MARK1: variants seen among roughly 807,000 people sequenced by gnomAD.
The protein encoded by MARK1 is microtubule affinity regulating kinase 1, also known as serine/threonine-protein kinase MARK1.
A neutral mutation model predicts 96.3 loss-of-function variants in MARK1; 40 were observed. The ratio of observed to expected loss-of-function variants is 0.42; its 90% CI spans 0.32 to 0.54. The LOEUF (loss-of-function observed/expected upper bound fraction) is 0.54. MARK1 is among the 20% of genes least tolerant of loss of function. MARK1 has a pLI of 0.16. For missense variants in MARK1, 719 were observed against 984.6 expected (o/e 0.73, Z 3.61); for synonymous variants, 317 against 341.2 (o/e 0.93, Z 0.78).
At chr1:220,645,765 A>G (rs1313324727) in intron 13 of MARK1, among the ~76,000 whole-genome samples, 2 of 152,216 alleles carry the variant, frequency 1.3e-5, no homozygotes, top group African/African-American at 4.8e-5. Context: ...TGAATCAATA[A>G]ATGTAATCAG....
In MARK1 at chr1:220,616,019, T is replaced by A. The variant is rs28458417; in HGVS notation, c.552+24T>A. ...AGGTAAGCTTCTGAGTGTAATTTTT[T>A]TAAAAAAAAAATCGTTATTATTAAC... On this transcript the variant is annotated intron_variant, in intron 7 of 17. Coordinates refer to ENST00000366917, the MANE Select transcript of MARK1 (RefSeq NM_018650.5). The A allele has an allele frequency of 9.0e-3, 10,305 of 1,150,372 alleles. 48 individuals carry two copies. The highest frequency in any genetic ancestry group is 0.036 in the African/African-American group (2,345 of 64,954). 71.3% of individuals were successfully genotyped at this position (1,150,372 alleles called of 1,614,324 possible).
chr1:220,566,917 C>T (rs955275396), intron 1 of MARK1, among the ~76,000 whole-genome samples: 3 of 152,074 alleles, frequency 2.0e-5, no homozygotes, highest in Non-Finnish European at 4.4e-5. Context: ...TAGAAACTAA[C>T]TACTTAATAG....
chr1:220,604,289 A>T (rs986988735), intron 6 of MARK1, 152 bp downstream of exon 6: 4 of 472,532 alleles, frequency 8.5e-6, no homozygotes, highest in African/African-American at 4.0e-5. Flanking sequence ...CCTAAAAAAT[A>T]AACCTTTCTG....
chr1:220,644,095 G>T (rs1389436545), intron 13 of MARK1, among the ~76,000 whole-genome samples: 1 of 152,068 alleles, frequency 6.6e-6, no homozygotes, highest in African/African-American at 2.4e-5. Flanking sequence ...TAAATGAGCT[G>T]AATACCCCAA....
intron 1 of MARK1, among the ~76,000 whole-genome samples, chr1:220,561,851 A>G (rs1385710402): frequency 6.6e-6 from 1 of 152,164 alleles, no homozygotes; most frequent in African/African-American, 2.4e-5. Context: ...TCAGAGTTTC[A>G]TGGACTTAGA....
rs1668819262 is a variant in MARK1, at chr1:220,650,612, T to C, written c.1471-8T>C. The stretch of plus-strand genomic sequence containing the variant: ...AATTTTTTAATTGCCTTTTTTTTAT[T>C]CTTGAAGAACAATGTGTATTCTGGA... On this transcript the variant is annotated splice_polypyrimidine_tract_variant and splice_region_variant and intron_variant, in intron 13 of 17. Transcript: ENST00000366917. The C allele has an allele frequency of 6.4e-7, 1 of 1,554,420 alleles. No homozygotes were observed. Among genetic ancestry groups the C allele is most frequent in the Non-Finnish European group, 8.8e-7 (1 of 1,132,768 alleles).
chr1:220,553,885 C>T lies in MARK1; in HGVS notation c.51+25012C>T, dbSNP rs571685851. Reference sequence around the variant, plus strand: ...GTTACTTCAAGCACCAGTGAGTCTTCGGGGTTCAAGTGGCTAAGCAGCTTG... The same window carrying T: ...GTTACTTCAAGCACCAGTGAGTCTTTGGGGTTCAAGTGGCTAAGCAGCTTG... On this transcript the variant is annotated intron_variant, in intron 1 of 17. Transcript: ENST00000366917. Among the ~76,000 whole-genome samples the T allele has an allele frequency of 2.6e-5, 4 of 152,312 alleles. No individual in the cohort carries two copies. The South Asian group carries it at 6.2e-4, about 24-fold the overall frequency.
chr1:220,585,393 A>G (rs1341186444), intron 3 of MARK1, among the ~76,000 whole-genome samples: 2 of 152,202 alleles, frequency 1.3e-5, no homozygotes, highest in Non-Finnish European at 2.9e-5. Flanking sequence ...CAATAATATT[A>G]ATATCTGGCT....
In MARK1 at chr1:220,632,253, A is replaced by G. The variant is rs2103007815; in HGVS notation, c.1062A>G (p.Ile354Met). 1.3e-6 allele frequency: 2 copies of G among 1,563,894 alleles called. No homozygotes were observed. The highest frequency in any genetic ancestry group is 1.7e-6 in the Non-Finnish European group (2 of 1,156,294). Residue 354 changes from isoleucine (I) to methionine (M), a missense_variant, in exon 11 of 18, where the codon ATA becomes ATG. By Grantham distance (10) the Ile-to-Met change is conservative. Transcript: ENST00000366917. Reference protein sequence around the residue: ...FARDEINDALINQKYDEVMAT... With the variant: ...FARDEINDALMNQKYDEVMAT... ...GAGATGAAATAAATGATGCCTTAAT[A>G]AATCAGAAGTATGATGAAGTTATGG... is the stretch of plus-strand genomic sequence containing the variant.
rs558218993 is a variant in MARK1, at chr1:220,617,578, A to G, written c.553-732A>G. ...CTTTATTGAGTTGCTTCTGTTTACA[A>G]AAGGGACATGTAAAATATTGTCTTT... On this transcript the variant is annotated intron_variant, in intron 7 of 17. Transcript: ENST00000366917. 3.9e-5 allele frequency among the ~76,000 whole-genome samples: 6 copies of G among 152,354 alleles called. No individual in the cohort carries two copies. The East Asian group carries it at 1.2e-3, about 29-fold the overall frequency.
Position 220,598,328 on chromosome 1 carries a change from C to T in MARK1, c.310-3C>T. Reference sequence around the variant, plus strand: ...AAATATATCTACCTGTTTTCTTTAACAGTTATTTCGAGAAGTACGAATAAT... The same window carrying T: ...AAATATATCTACCTGTTTTCTTTAATAGTTATTTCGAGAAGTACGAATAAT... On this transcript the variant is annotated splice_region_variant and splice_polypyrimidine_tract_variant and intron_variant, in intron 3 of 17. Coordinates refer to ENST00000366917, the MANE Select transcript of MARK1 (RefSeq NM_018650.5). 1 of 628,852 alleles carries T rather than the reference C, an allele frequency of 1.6e-6. No individual in the cohort carries two copies. The highest frequency in any genetic ancestry group is 2.7e-6 in the Non-Finnish European group (1 of 367,560). The allele number at this position is 628,852 out of a possible 1,614,324, so 39.0% of individuals were successfully genotyped here. A position where few individuals can be genotyped will look rare whatever the true frequency, so the allele number is the denominator to read the frequency against.
intron 13 of MARK1, among the ~76,000 whole-genome samples, chr1:220,647,996 A>G (rs1668675167): frequency 6.6e-6 from 1 of 152,120 alleles, no homozygotes; most frequent in Non-Finnish European, 1.5e-5. Flanking sequence ...ACCATGGCAC[A>G]CATTTACCTA....
At chr1:220,609,846 T>A (rs1666326896) in intron 6 of MARK1, among the ~76,000 whole-genome samples, 1 of 152,194 alleles carries the variant, frequency 6.6e-6, no homozygotes, top group Non-Finnish European at 1.5e-5. Context: ...AATTCTGGGT[T>A]GAAAATTCTT....
intron 3 of MARK1, among the ~76,000 whole-genome samples, chr1:220,581,881 T>C (rs1246469961): frequency 6.6e-6 from 1 of 152,218 alleles, no homozygotes; most frequent in Non-Finnish European, 1.5e-5. Flanking sequence ...ACTTTAAAAA[T>C]GAAGCAAATG....
At chr1:220,539,622 G>T (rs79123498) in intron 1 of MARK1, among the ~76,000 whole-genome samples, 2,355 of 152,166 alleles carry the variant, frequency 0.015, 32 homozygotes, top group Middle Eastern at 0.044. Flanking sequence ...TGCATCTATT[G>T]AGATGATCAG....
At chr1:220,555,079 A>G (rs111987205) in intron 1 of MARK1, among the ~76,000 whole-genome samples, 81 of 152,254 alleles carry the variant, frequency 5.3e-4, no homozygotes, top group Middle Eastern at 6.8e-3. Flanking sequence ...TGGGGAAGTA[A>G]CCACAGAATG....
At position 220,650,479 on chromosome 1, in the gene MARK1, G is replaced by C. The variant is rs3753876; in HGVS notation, c.1471-141G>C. 1.8e-3 allele frequency: 1,065 copies of C among 581,568 alleles called. 23 individuals are homozygous for C. The East Asian group carries it at 0.027, about 15-fold the overall frequency. 36.0% of individuals were successfully genotyped at this position (581,568 alleles called of 1,614,324 possible). ...ACTTCTGAAATCTAAATTAGAGAGAGGCAGGGGATAATCTTGTTAATATAA... is the reference window on the plus strand; with the variant it reads ...ACTTCTGAAATCTAAATTAGAGAGACGCAGGGGATAATCTTGTTAATATAA... On this transcript the variant is annotated intron_variant, in intron 13 of 17. Coordinates refer to ENST00000366917, the MANE Select transcript of MARK1 (RefSeq NM_018650.5).
Position 220,586,033 on chromosome 1 carries a change from A to G in MARK1, c.309+4915A>G, listed in dbSNP as rs900931659. Reference sequence around the variant, plus strand: ...CACACGCGCGCGTGCGCAGAGAGAGAGAGTTTAAAATGTAATACATAGAGT... The same window carrying G: ...CACACGCGCGCGTGCGCAGAGAGAGGGAGTTTAAAATGTAATACATAGAGT... On this transcript the variant is annotated intron_variant, in intron 3 of 17. Transcript: ENST00000366917. 2.3e-5 allele frequency among the ~76,000 whole-genome samples: 3 copies of G among 130,360 alleles called. No individual in the cohort carries two copies. In the Admixed American group the frequency reaches 2.4e-4, roughly 10 times the overall value. 85.5% of individuals were successfully genotyped at this position (130,360 alleles called of 152,430 possible). A position where few individuals can be genotyped will look rare whatever the true frequency, so the allele number is the denominator to read the frequency against.
In MARK1 at chr1:220,662,812, T is replaced by G. The variant is rs1669547963; in HGVS notation, c.*646T>G. 1.3e-5 allele frequency: 2 copies of G among 152,632 alleles called. No individual in the cohort carries two copies. Among genetic ancestry groups the G allele is most frequent in the South Asian group, 4.1e-4 (2 of 4,832 alleles). The allele number at this position is 152,632 out of a possible 1,614,324, so 9.5% of individuals were successfully genotyped here. The stretch of plus-strand genomic sequence containing the variant: ...GTGTTGGCACTTAGAGTTTTTAAAT[T>G]CAAGTACATGAAATTCAGTAATAGC... On this transcript the variant is annotated 3_prime_UTR_variant, in exon 18 of 18. Transcript: ENST00000366917.
Sources: gnomAD v4.1 joint callset for allele counts (sites outside exome capture counted in the v4.1 genomes callset) on GRCh38, gnomAD v4.1.1 for gene constraint, MANE v1.5 for transcripts, NCBI Gene and HGNC (gene_info 2026-07-23, HGNC 2026-07-21) for gene names.